The following TAF1D variants were observed in gnomAD, a reference collection of about 807,000 sequenced individuals.
TAF1D encodes the protein TATA-box binding protein associated factor, RNA polymerase I subunit D.
TAF1D carries 23 observed loss-of-function variants against 26.2 expected under a neutral mutation model. That is an observed-to-expected ratio of 0.88 (90% CI 0.63 to 1.25). TAF1D has a LOEUF of 1.25. Among genes scored for constraint, TAF1D ranks in the 50% most tolerant of loss-of-function variants. The pLI is 0.00. For synonymous variants in TAF1D, 100 were observed against 105.6 expected, an observed-to-expected ratio of 0.95 and a Z score of 0.33; for missense variants, 299 against 322.0, an observed-to-expected ratio of 0.93 and a Z score of 0.55.
rs554467119 is a variant in TAF1D at position 93,736,253 on chromosome 11, A to G, written c.745T>C (p.Leu249=). Residue 249 remains leucine (L), a synonymous_variant, in exon 6 of 6, where the codon TTA becomes CTA. Coordinates refer to ENST00000448108, the MANE Select transcript of TAF1D (RefSeq NM_024116.4). ...SEFPVRLSVY[L]EEEDITEEAA... ...TCTTCAGTAATATCCTCTTCTTCTA[A>G]GTATACACTCAGTCTTACAGGGAAT... The G allele has an allele frequency of 1.9e-6, 3 of 1,613,352 alleles. No individual in the cohort carries two copies. Among genetic ancestry groups the G allele is most frequent in the Non-Finnish European group, 2.5e-6 (3 of 1,179,780 alleles).
Position 93,738,444 on chromosome 11 carries a change from T to C in TAF1D, c.124A>G (p.Lys42Glu), listed in dbSNP as rs779003578. 1.9e-6 allele frequency: 3 copies of C among 1,610,096 alleles called. No individual in the cohort carries two copies. The highest frequency in any genetic ancestry group is 1.7e-5 in the Admixed American group (1 of 59,098). ...FKTQCIPYSP[K>E]GEKRNPIRKF... ...CGAATGGGGTTTCTTTTCTCCCCTT[T>C]AGGTGAGTAAGGGATACACTGAGTT... The change falls in exon 3 of 6, where the codon AAA becomes GAA. Residue 42 changes from lysine (K) to glutamate (E), a missense_variant. Coordinates refer to ENST00000448108, the MANE Select transcript of TAF1D (RefSeq NM_024116.4).
At chr11:93,731,915 T>A (rs1939061648), downstream of TAF1D, 1 of 419,622 alleles carries the variant, frequency 2.4e-6, no homozygotes, top group African/African-American at 2.1e-5. Flanking sequence ...AAAGTGGTCC[T>A]ATAAGAGCTG....
intron 4 of TAF1D, 90 bp from the exon 5 acceptor site, chr11:93,736,841 A>C (rs748495294): frequency 5.8e-6 from 8 of 1,379,966 alleles, no homozygotes; most frequent in Non-Finnish European, 8.0e-6. Flanking sequence ...CTGAAACTGC[A>C]ATACTAGTCA....
chr11:93,738,217 G>A lies in TAF1D; in HGVS notation c.351C>T (p.Tyr117=), dbSNP rs376026100. The A allele has an allele frequency of 3.7e-6, 6 of 1,612,432 alleles. No individual in the cohort carries two copies. In the African/African-American group the frequency reaches 5.4e-5, roughly 14 times the overall value. The change falls in exon 3 of 6, where the codon TAC becomes TAT. Residue 117 remains tyrosine, a synonymous_variant. Transcript: ENST00000448108. ...GRPEGRRNPI[Y]SLIDKKKQFR... is the part of the protein sequence containing the mutation. The stretch of plus-strand genomic sequence containing the variant: ...ATTGTTTCTTCTTATCTATTAGTGA[G>A]TATATAGGATTTCTCCTTCCTTCTG...
At chr11:93,737,966 C>T (rs1941137307) in intron 3 of TAF1D, 143 bp downstream of exon 3, 13 of 837,028 alleles carry the variant, frequency 1.6e-5, no homozygotes, top group Non-Finnish European at 1.7e-6. Flanking sequence ...ATAGGGTGGA[C>T]TTTAGGGGTA....
chr11:93,730,478 A>T, exon 12 of TAF1D: 1 of 745,694 alleles, frequency 1.3e-6, no homozygotes, highest in Non-Finnish European at 2.5e-6. Context: ...TTAACCTTTA[A>T]AACTCTCACA....
chr11:93,735,064 C>A, downstream of TAF1D: 1 of 1,299,674 alleles, frequency 7.7e-7, no homozygotes, highest in Admixed American at 2.0e-5. Flanking sequence ...TGGAACCAAC[C>A]TTTATGGCTA....
chr11:93,735,240 C>A (rs1940494826), downstream of TAF1D: 8 of 1,347,490 alleles, frequency 5.9e-6, no homozygotes, highest in Non-Finnish European at 7.8e-6. Context: ...AAGTGCAGTC[C>A]CAAAATGCAC....
Position 93,739,294 on chromosome 11 carries a change from G to C in TAF1D, c.11C>G (p.Ser4Ter). 1 of 1,609,402 alleles carries C rather than the reference G, an allele frequency of 6.2e-7. No individual in the cohort carries two copies. Among genetic ancestry groups the C allele is most frequent in the Non-Finnish European group, 8.5e-7 (1 of 1,179,010 alleles). The change falls in exon 2 of 6, where the codon TCA becomes TGA. Residue 4 changes from serine to a stop codon, truncating the protein, a stop_gained. Transcript: ENST00000448108. LOFTEE classifies it high-confidence loss of function. The part of the protein sequence containing the change: MDK[S>*]GIDSLDHVTS... ...CACATGGTCAAGAGAATCTATTCCT[G>C]ATTTATCCATCAATTGCTCTTTGTT...
In TAF1D at chr11:93,736,068, C is replaced by A; in HGVS notation, c.*93G>T. 6.5e-7 allele frequency: 1 copy of A among 1,545,766 alleles called. No individual in the cohort carries two copies. ...AGTTCTGGGTTTCAGAATTTCTTCA[C>A]CACCAGACTGGTACATATATCCACA... is the stretch of plus-strand genomic sequence containing the variant. On this transcript the variant is annotated 3_prime_UTR_variant, in exon 6 of 6. Coordinates refer to ENST00000448108, the MANE Select transcript of TAF1D (RefSeq NM_024116.4).
In TAF1D at chr11:93,738,139, G is replaced by GT. The variant is rs1941177658; in HGVS notation, c.428dup (p.Asn143LysfsTer11). 2 of 1,562,698 alleles carry GT rather than the reference G, an allele frequency of 1.3e-6. No individual in the cohort carries two copies. The highest frequency in any genetic ancestry group is 1.7e-6 in the Non-Finnish European group (2 of 1,163,740). ...ACGTTAAAATTTTTCTCCAAGGTGC[G>GT]TTTTTTTCATTCTCTGATTCTAAAA... On this transcript the variant is annotated frameshift_variant, in exon 3 of 6. Transcript: ENST00000448108. LOFTEE classifies it high-confidence loss of function.
In TAF1D at chr11:93,735,795, C is replaced by T; in HGVS notation, c.*366G>A. On this transcript the variant is annotated 3_prime_UTR_variant, in exon 6 of 6. Transcript: ENST00000448108. ...GATAAAATTACAGCATTTCAAATCCCCTCTTCAAGATGGTTGGGTGTCAAG... is the reference window on the plus strand; with the variant it reads ...GATAAAATTACAGCATTTCAAATCCTCTCTTCAAGATGGTTGGGTGTCAAG... The T allele has an allele frequency of 1.9e-6, 2 of 1,053,858 alleles. No homozygotes were observed. The highest frequency in any genetic ancestry group is 2.3e-6 in the Non-Finnish European group (2 of 872,984). The allele number at this position is 1,053,858 out of a possible 1,614,324, so 65.3% of individuals were successfully genotyped here.
At position 93,738,141 on chromosome 11, in the gene TAF1D, T is replaced by C; in HGVS notation, c.427A>G (p.Asn143Asp). 3.2e-6 allele frequency: 5 copies of C among 1,564,572 alleles called. No individual in the cohort carries two copies. Among genetic ancestry groups the C allele is most frequent in the Non-Finnish European group, 3.4e-6 (4 of 1,164,630 alleles). Residue 143 changes from asparagine (N) to aspartate (D), a missense_variant, in exon 3 of 6, where the codon AAC becomes GAC. Physicochemically the swap from Asn to Asp is conservative, Grantham distance 23. Coordinates refer to ENST00000448108, the MANE Select transcript of TAF1D (RefSeq NM_024116.4). ...FPFLESENEK[N>D]APWRKILTFE... ...GTTAAAATTTTTCTCCAAGGTGCGT[T>C]TTTTTCATTCTCTGATTCTAAAAAT...
At chr11:93,734,300 T>C, downstream of TAF1D, 1 of 217,738 alleles carries the variant, frequency 4.6e-6, no homozygotes, top group Non-Finnish European at 9.4e-6. Flanking sequence ...TTATACTATA[T>C]TTTGCATTAA....
Position 93,736,108 on chromosome 11 carries a change from T to C in TAF1D, c.*53A>G. 1 of 1,607,548 alleles carries C rather than the reference T, an allele frequency of 6.2e-7. No homozygotes were observed. The highest frequency in any genetic ancestry group is 8.5e-7 in the Non-Finnish European group (1 of 1,178,482). ...ATATATCCACATTTATCTTTATTCA[T>C]TTCTATGAAGTCGTTTTTTCTATAT... On this transcript the variant is annotated 3_prime_UTR_variant, in exon 6 of 6. Transcript: ENST00000448108.
At chr11:93,730,479 A>G (rs752298784) in exon 12 of TAF1D, 7 of 745,480 alleles carry the variant, frequency 9.4e-6, no homozygotes, top group Non-Finnish European at 1.7e-5. Flanking sequence ...TAACCTTTAA[A>G]ACTCTCACAT....
In TAF1D at chr11:93,739,323, AAC is replaced by A. The variant is rs772973855; in HGVS notation, c.-21_-20del. 7 of 1,603,492 alleles carry A rather than the reference AAC, an allele frequency of 4.4e-6. No individual in the cohort carries two copies. Among genetic ancestry groups the A allele is most frequent in the South Asian group, 2.2e-5 (2 of 88,964 alleles). On this transcript the variant is annotated 5_prime_UTR_variant, in exon 2 of 6. Coordinates refer to ENST00000448108, the MANE Select transcript of TAF1D (RefSeq NM_024116.4). ...TATCCATCAATTGCTCTTTGTTTTA[AAC>A]AGTTTTCTGAAATTATGAAATTTAG... is the stretch of plus-strand genomic sequence containing the variant.
In TAF1D at chr11:93,738,576, A is replaced by G. The variant is rs975152863; in HGVS notation, c.69-77T>C. ...ACCATTAATACCCAGTCCTAAATGTACATTTCTTCCAAGACCAACTCAGAA... is the reference window on the plus strand; with the variant it reads ...ACCATTAATACCCAGTCCTAAATGTGCATTTCTTCCAAGACCAACTCAGAA... On this transcript the variant is annotated intron_variant, in intron 2 of 5. Coordinates refer to ENST00000448108, the MANE Select transcript of TAF1D (RefSeq NM_024116.4). 8 of 1,402,234 alleles carry G rather than the reference A, an allele frequency of 5.7e-6. No homozygotes were observed. The Admixed American group carries it at 8.5e-5, about 15-fold the overall frequency. The allele number at this position is 1,402,234 out of a possible 1,614,324, so 86.9% of individuals were successfully genotyped here.
chr11:93,730,436 T>C (rs1938296485), exon 12 of TAF1D: 1 of 761,334 alleles, frequency 1.3e-6, no homozygotes, highest in South Asian at 1.4e-5. Context: ...AAGATTTATC[T>C]TCAAGTTTGC....
Sources: gnomAD v4.1 joint callset for allele counts on GRCh38, gnomAD v4.1.1 for gene constraint, MANE v1.5 for transcripts, NCBI Gene and HGNC (gene_info 2026-07-23, HGNC 2026-07-21) for gene names.